DLG2: variants seen among roughly 807,000 people sequenced by gnomAD.
DLG2 encodes the protein disks large homolog 2.
DLG2 carries 45 observed loss-of-function variants against 132.5 expected under a neutral mutation model. The observed-to-expected ratio is 0.34, with a 90% CI of 0.27 to 0.44. The LOEUF is 0.44. Among genes scored for constraint, DLG2 ranks in the 20% least tolerant of loss-of-function variants. The probability of loss-of-function intolerance (pLI) is 1.00; values close to 1 mark genes in which losing one functional copy is unlikely to be tolerated. For missense variants in DLG2, 1,045 were observed against 1,196.9 expected (o/e 0.87, Z 1.87); for synonymous variants, 424 against 419.6 (o/e 1.01, Z -0.13).
intron 6 of DLG2, among the ~76,000 whole-genome samples, chr11:84,896,055 CA>C (rs1157067930): frequency 6.6e-6 from 1 of 151,972 alleles, no homozygotes; most frequent in African/African-American, 2.4e-5. Context: ...GCACAGAAAA[CA>C]ATGAAATTAA....
At chr11:84,800,595 A>T (rs1005465898) in intron 6 of DLG2, 4 of 152,226 alleles carry the variant, frequency 2.6e-5, no homozygotes, top group African/African-American at 9.6e-5. Context: ...AGGCCAAGGC[A>T]TCTAGAAACC....
chr11:84,323,121 C>T (rs1345129669), intron 7 of DLG2, among the ~76,000 whole-genome samples: 1 of 151,866 alleles, frequency 6.6e-6, no homozygotes, highest in Admixed American at 6.6e-5. Context: ...ACTATAAGCA[C>T]AAGGTTGTAA....
chr11:85,501,356 T>A (rs181615015), intron 3 of DLG2, among the ~76,000 whole-genome samples: 1 of 152,280 alleles, frequency 6.6e-6, no homozygotes, highest in East Asian at 1.9e-4. Flanking sequence ...GACATAGGCA[T>A]GGGCAAAGGC....
intron 4 of DLG2, among the ~76,000 whole-genome samples, chr11:85,179,112 C>T (rs1304660314): frequency 6.6e-6 from 1 of 151,668 alleles, no homozygotes; most frequent in Non-Finnish European, 1.5e-5. Context: ...TTAGGATCTA[C>T]AATAGGAAAC....
chr11:84,413,649 T>A (rs950145744), intron 7 of DLG2, among the ~76,000 whole-genome samples: 10 of 152,176 alleles, frequency 6.6e-5, no homozygotes, highest in African/African-American at 1.9e-4. Flanking sequence ...TCATACTTAG[T>A]AAAATCCCTG....
intron 5 of DLG2, among the ~76,000 whole-genome samples, chr11:85,142,218 C>G (rs2076539813): frequency 1.3e-5 from 2 of 151,726 alleles, no homozygotes; most frequent in Admixed American, 1.3e-4. Flanking sequence ...TTTTTGTGCC[C>G]TCTTCAATTT....
In DLG2 at chr11:85,093,119, G is replaced by A. The variant is rs557626535; in HGVS notation, c.357+18542C>T. Among the ~76,000 whole-genome samples, 3 of 152,210 alleles carry A rather than the reference G, an allele frequency of 2.0e-5. No individual in the cohort carries two copies. The East Asian group carries it at 5.8e-4, about 29-fold the overall frequency. On this transcript the variant is annotated intron_variant, in intron 6 of 27. Transcript: ENST00000376104. ...CCCCTCGCCCCCTCATTGTTCAAGGGTCAACTGCAACGTGTTTTGTTACAC... is the reference window on the plus strand; with the variant it reads ...CCCCTCGCCCCCTCATTGTTCAAGGATCAACTGCAACGTGTTTTGTTACAC...
chr11:83,610,980 A>G (rs989485602), intron 19 of DLG2, among the ~76,000 whole-genome samples: 3 of 152,230 alleles, frequency 2.0e-5, no homozygotes, highest in African/African-American at 4.8e-5. Context: ...TAAATGGATC[A>G]CTATTCTGGC....
At chr11:85,287,854 G>T (rs138618685) in intron 3 of DLG2, among the ~76,000 whole-genome samples, 1 of 152,020 alleles carries the variant, frequency 6.6e-6, no homozygotes, top group Non-Finnish European at 1.5e-5. Context: ...GAAAAATAAC[G>T]TTGGGTGAAT....
chr11:85,271,808 A>G (rs908883555), intron 4 of DLG2, among the ~76,000 whole-genome samples: 18 of 152,082 alleles, frequency 1.2e-4, no homozygotes, highest in African/African-American at 3.6e-4. Flanking sequence ...CTGTACCCCT[A>G]TTGTATCTAG....
At chr11:85,437,309 A>G (rs930685941) in intron 3 of DLG2, among the ~76,000 whole-genome samples, 12 of 150,034 alleles carry the variant, frequency 8.0e-5, no homozygotes, top group African/African-American at 3.0e-4. Flanking sequence ...TGGAACTTAA[A>G]GTAAAAAAAA....
At chr11:84,039,316 C>T (rs953568272) in intron 11 of DLG2, among the ~76,000 whole-genome samples, 4 of 149,526 alleles carry the variant, frequency 2.7e-5, no homozygotes, top group Non-Finnish European at 4.4e-5. Context: ...TGCGCTGCAC[C>T]CACTAACTCG....
At chr11:85,464,429 T>A (rs1478515541) in intron 3 of DLG2, among the ~76,000 whole-genome samples, 1 of 152,024 alleles carries the variant, frequency 6.6e-6, no homozygotes, top group Non-Finnish European at 1.5e-5. Flanking sequence ...TGCTCCTGAT[T>A]GTTGGGGATG....
chr11:83,980,781 T>C (rs2092705968), intron 11 of DLG2, 139 bp from the exon 12 acceptor site: 2 of 834,566 alleles, frequency 2.4e-6, no homozygotes, highest in Non-Finnish European at 1.8e-6. Context: ...CACTAAAAAC[T>C]GTATTTCAAT....
intron 18 of DLG2, among the ~76,000 whole-genome samples, chr11:83,663,309 T>G (rs2074779815): frequency 1.3e-5 from 2 of 152,190 alleles, no homozygotes; most frequent in South Asian, 4.1e-4. Context: ...CTTTTGCTTT[T>G]TCCATTCAAG....
chr11:85,502,269 G>A (rs868195329), intron 3 of DLG2, among the ~76,000 whole-genome samples: 1 of 150,774 alleles, frequency 6.6e-6, no homozygotes, highest in Non-Finnish European at 1.5e-5. Context: ...GACCTGTGTG[G>A]GGTGGTGGGC....
intron 6 of DLG2, among the ~76,000 whole-genome samples, chr11:84,897,902 C>T (rs777340037): frequency 6.6e-6 from 1 of 151,780 alleles, no homozygotes; most frequent in Non-Finnish European, 1.5e-5. Context: ...TTTCTACCCA[C>T]ATGAACTATT....
At chr11:85,575,816 A>G (rs986082372) in intron 3 of DLG2, among the ~76,000 whole-genome samples, 1 of 152,132 alleles carries the variant, frequency 6.6e-6, no homozygotes, top group Non-Finnish European at 1.5e-5. Flanking sequence ...TTTTCTCCAT[A>G]CTATACATTT....
chr11:84,235,497 T>C (rs1476106450), intron 8 of DLG2, among the ~76,000 whole-genome samples: 2 of 152,102 alleles, frequency 1.3e-5, no homozygotes, highest in Non-Finnish European at 2.9e-5. Context: ...TGAGACATGA[T>C]AGCACCACTG....
Sources: allele counts gnomAD v4.1 joint callset (sites outside exome capture counted in the v4.1 genomes callset), GRCh38; gene constraint gnomAD v4.1.1; transcripts MANE v1.5; gene names NCBI Gene and HGNC (gene_info 2026-07-23, HGNC 2026-07-21).